Variants in LGALS3 observed in about 807,000 individuals in gnomAD.
LGALS3 encodes the protein galectin 3.
A neutral mutation model predicts 20.7 loss-of-function variants in LGALS3; 18 were observed. The ratio of observed to expected loss-of-function variants is 0.87; its 90% CI spans 0.60 to 1.29. LGALS3 has a LOEUF of 1.29. Among genes scored for constraint, LGALS3 ranks in the 50% most tolerant of loss-of-function variants. The pLI is 0.00. For missense variants in LGALS3, 315 were observed against 314.7 expected (o/e 1.00, Z -0.01); for synonymous variants, 112 against 119.6 (o/e 0.94, Z 0.42).
At chr14:55,134,117 G>A (rs897786005) in intron 1 of LGALS3, among the ~76,000 whole-genome samples, 4 of 152,076 alleles carry the variant, frequency 2.6e-5, no homozygotes, top group Admixed American at 2.6e-4. Context: ...TATTGCCCAG[G>A]CTGGTCTTGA....
intron 1 of LGALS3, among the ~76,000 whole-genome samples, chr14:55,133,418 G>GT (rs898234816): frequency 1.3e-5 from 2 of 152,052 alleles, no homozygotes; most frequent in Non-Finnish European, 2.9e-5. Flanking sequence ...TATATATACT[G>GT]TTTTTTTGAT....
intron 1 of LGALS3, among the ~76,000 whole-genome samples, chr14:55,133,720 A>G (rs917248722): frequency 1.6e-4 from 24 of 152,206 alleles, no homozygotes; most frequent in African/African-American, 4.6e-4. Context: ...TGGAAATGCA[A>G]CGAGATCTGC....
chr14:55,137,340 G>C, intron 1 of LGALS3, 30 bp from the exon 2 acceptor site: 1 of 1,606,366 alleles, frequency 6.2e-7, no homozygotes, highest in Non-Finnish European at 8.5e-7. Context: ...AAAGCTTTTA[G>C]GATAAAATGA....
At chr14:55,132,379 G>A (rs193103505) in intron 1 of LGALS3, among the ~76,000 whole-genome samples, 4 of 151,660 alleles carry the variant, frequency 2.6e-5, no homozygotes, top group Admixed American at 2.6e-4. Flanking sequence ...CATATCTATA[G>A]TGTCTGTAGA....
chr14:55,137,826 G>A (rs1469985622), intron 2 of LGALS3: 13 of 1,299,952 alleles, frequency 1.0e-5, no homozygotes, highest in Middle Eastern at 2.9e-4. Context: ...GATCTGAGAC[G>A]TTGGGAGGCA....
At chr14:55,143,858 T>C (rs939373451) in intron 5 of LGALS3, 1 of 139,348 alleles carries the variant, frequency 7.2e-6, no homozygotes, top group African/African-American at 3.1e-5. Flanking sequence ...CTTTGCTTCC[T>C]AGAAGCAAGT....
chr14:55,136,536 T>C (rs1418159773), intron 1 of LGALS3, among the ~76,000 whole-genome samples: 1 of 152,148 alleles, frequency 6.6e-6, no homozygotes, highest in Non-Finnish European at 1.5e-5. Context: ...ATTCTTAATC[T>C]TTATGGGTAC....
intron 4 of LGALS3, 136 bp downstream of exon 4, chr14:55,140,499 T>C: frequency 1.7e-6 from 1 of 589,190 alleles, no homozygotes; most frequent in South Asian, 2.1e-5. Flanking sequence ...ACTACATATT[T>C]AGAATCTTGG....
intron 3 of LGALS3, among the ~76,000 whole-genome samples, chr14:55,139,628 C>T (rs1881547636): frequency 6.6e-6 from 1 of 151,920 alleles, no homozygotes; most frequent in Non-Finnish European, 1.5e-5. Context: ...ATTTTTGAGA[C>T]CTTGTCTCAA....
intron 3 of LGALS3, 88 bp from the exon 4 acceptor site, chr14:55,140,187 A>G: frequency 1.2e-6 from 1 of 837,152 alleles, no homozygotes; most frequent in Admixed American, 2.1e-5. Flanking sequence ...TTTCACACAT[A>G]TTAATAGTGA....
chr14:55,133,360 T>G (rs539920353), intron 1 of LGALS3, among the ~76,000 whole-genome samples: 1 of 152,194 alleles, frequency 6.6e-6, no homozygotes, highest in African/African-American at 2.4e-5. Flanking sequence ...AGGGGATGCA[T>G]TCCAAGACCC....
In LGALS3 at chr14:55,142,703, A is replaced by C. The variant is rs1395053118; in HGVS notation, c.551A>C (p.Glu184Ala). ...NTKLDNNWGR[E>A]ERQSVFPFES... The stretch of plus-strand genomic sequence containing the variant: ...AAGCTGGATAATAACTGGGGAAGGG[A>C]AGAAAGACAGTCGGTTTTCCCATTT... Residue 184 changes from glutamate (E) to alanine (A), a missense_variant, in exon 5 of 6, where the codon GAA becomes GCA. Glu to Ala is a moderately radical substitution (Grantham distance 107). Coordinates refer to ENST00000254301, the MANE Select transcript of LGALS3 (RefSeq NM_002306.4). 1.9e-6 allele frequency: 3 copies of C among 1,613,936 alleles called. No homozygotes were observed. In the Middle Eastern group the frequency reaches 4.9e-4, roughly 266 times the overall value.
rs1322465283 is a variant in LGALS3, at chr14:55,145,222, G to T, written c.704G>T (p.Gly235Val). ...VKKLNEISKL[G>V]ISGDIDLTSA... The stretch of plus-strand genomic sequence containing the variant: ...AAACTCAATGAAATCAGCAAACTGG[G>T]AATTTCTGGTGACATAGACCTCACC... Residue 235 changes from glycine (G) to valine (V), a missense_variant, in exon 6 of 6, where the codon GGA becomes GTA. Gly to Val is a moderately radical substitution (Grantham distance 109). Transcript: ENST00000254301. The T allele has an allele frequency of 1.2e-6, 2 of 1,613,624 alleles. No homozygotes were observed. Among genetic ancestry groups the T allele is most frequent in the African/African-American group, 1.3e-5 (1 of 74,754 alleles).
chr14:55,144,095 G>A (rs1373942250), intron 5 of LGALS3, among the ~76,000 whole-genome samples: 1 of 152,148 alleles, frequency 6.6e-6, no homozygotes, highest in Non-Finnish European at 1.5e-5. Flanking sequence ...ATTTGCCAGA[G>A]GAATCCTATT....
At chr14:55,132,568 G>GCTTTTCTTTT (rs10629194) in intron 1 of LGALS3, among the ~76,000 whole-genome samples, 1 of 151,120 alleles carries the variant, frequency 6.6e-6, no homozygotes, top group Non-Finnish European at 1.5e-5. Context: ...CAGTTATAAT[G>GCTTTTCTTTT]CTTTTCTTTT....
chr14:55,130,159 C>CG (rs1290534416), intron 1 of LGALS3, among the ~76,000 whole-genome samples: 3 of 152,186 alleles, frequency 2.0e-5, no homozygotes, highest in Non-Finnish European at 4.4e-5. Context: ...AGAGCCCTAC[C>CG]GGGGGGCTTT....
chr14:55,143,875 G>A (rs536059398), intron 5 of LGALS3, among the ~76,000 whole-genome samples: 80 of 133,974 alleles, frequency 6.0e-4, no homozygotes, highest in South Asian at 9.7e-4. Flanking sequence ...AAGTCTTCTA[G>A]AAATCTTTGC....
At chr14:55,142,797 G>A (rs1881675744) in intron 5 of LGALS3, 48 bp downstream of exon 5, 2 of 1,482,182 alleles carry the variant, frequency 1.3e-6, no homozygotes, top group Admixed American at 1.7e-5. Context: ...TTTCTCATGA[G>A]GAATCACTCT....
chr14:55,141,799 TAC>T (rs1244306915), intron 4 of LGALS3, among the ~76,000 whole-genome samples: 1 of 152,238 alleles, frequency 6.6e-6, no homozygotes, highest in Non-Finnish European at 1.5e-5. Context: ...TGAATCAAAA[TAC>T]ACAGACAATC....
Sources: gnomAD v4.1 joint callset for allele counts (sites outside exome capture counted in the v4.1 genomes callset) on GRCh38, gnomAD v4.1.1 for gene constraint, MANE v1.5 for transcripts, NCBI Gene and HGNC (gene_info 2026-07-23, HGNC 2026-07-21) for gene names.